TMEM165: variants seen among roughly 807,000 people sequenced by gnomAD.
The protein encoded by TMEM165 is transmembrane protein 165.
A neutral mutation model predicts 30.0 loss-of-function variants in TMEM165; 19 were observed. That is an observed-to-expected ratio of 0.63 (90% CI 0.44 to 0.93). The LOEUF is 0.93. Ranked by LOEUF, TMEM165 falls within the 40% of genes least tolerant of loss-of-function variation. The pLI is 0.00. For missense variants in TMEM165, 340 were observed against 417.0 expected (o/e 0.82, Z 1.61); for synonymous variants, 168 against 162.9 (o/e 1.03, Z -0.24).
At chr4:55,422,188 TC>T (rs377199573) in intron 4 of TMEM165, among the ~76,000 whole-genome samples, 58 of 152,220 alleles carry the variant, frequency 3.8e-4, no homozygotes, top group African/African-American at 1.4e-3. Context: ...TCTCTGTCCT[TC>T]CTTGAATGCT....
intron 3 of TMEM165, chr4:55,450,060 AG>A (rs1724281761): frequency 1.2e-6 from 2 of 1,613,636 alleles, no homozygotes; most frequent in Admixed American, 1.7e-5. Context: ...GTTACTTTAA[AG>A]GAAGTCTGCT....
At chr4:55,439,701 G>A (rs1040626071) in intron 3 of TMEM165, among the ~76,000 whole-genome samples, 1 of 152,146 alleles carries the variant, frequency 6.6e-6, no homozygotes, top group Non-Finnish European at 1.5e-5. Flanking sequence ...TCTGACAATT[G>A]CTGTAACATG....
intron 3 of TMEM165, chr4:55,448,697 C>T: frequency 8.7e-7 from 1 of 1,146,258 alleles, no homozygotes; most frequent in South Asian, 1.3e-5. Flanking sequence ...GCCAGCAAGC[C>T]TGGATTTTTA....
At chr4:55,425,245 CTAATT>C in intron 5 of TMEM165, 126 bp from the exon 6 acceptor site, 1 of 681,888 alleles carries the variant, frequency 1.5e-6, no homozygotes, top group Non-Finnish European at 2.5e-6. Flanking sequence ...TGAAGTGATT[CTAATT>C]TGTTTTCAAG....
Position 55,417,924 on chromosome 4 carries a change from C to T in TMEM165, c.731C>T (p.Thr244Ile), listed in dbSNP as rs371595670. The T allele has an allele frequency of 6.9e-5, 111 of 1,613,906 alleles. No homozygotes were observed. Among genetic ancestry groups the T allele is most frequent in the Non-Finnish European group, 9.1e-5 (107 of 1,179,990 alleles). Reference protein sequence around the residue: ...SPIFVQALTLTFLAEWGDRSQ... With the variant: ...SPIFVQALTLIFLAEWGDRSQ... ...ATTTTTGTTCAAGCTCTTACATTAACATTCTTAGCAGAATGGGGTGATCGC... is the reference window on the plus strand; with the variant it reads ...ATTTTTGTTCAAGCTCTTACATTAATATTCTTAGCAGAATGGGGTGATCGC... Residue 244 changes from threonine to isoleucine, a missense_variant, in exon 4 of 6, where the codon ACA becomes ATA. Coordinates refer to ENST00000381334, the MANE Select transcript of TMEM165 (RefSeq NM_018475.5).
intron 1 of TMEM165, among the ~76,000 whole-genome samples, chr4:55,402,399 GTGTGTATATATATA>G (rs1479936526): frequency 0.022 from 749 of 34,224 alleles, 40 homozygotes; most frequent in African/African-American, 0.083. Flanking sequence ...GTGTGTGTGT[GTGTGTATATATATA>G]TATATATATA....
Position 55,398,161 on chromosome 4 carries a change from C to T in TMEM165, c.207+1765C>T, listed in dbSNP as rs144842770. On this transcript the variant is annotated intron_variant, in intron 1 of 5. Coordinates refer to ENST00000381334, the MANE Select transcript of TMEM165 (RefSeq NM_018475.5). ...TGATCTTGGTTTCACTAAGCAAGAA[C>T]ATTTGTAAGAATCAGTGCTGTCCCA... Among the ~76,000 whole-genome samples the T allele has an allele frequency of 6.4e-3, 980 of 152,342 alleles. 17 individuals carry two copies. Among genetic ancestry groups the T allele is most frequent in the African/African-American group, 0.022 (910 of 41,570 alleles).
intron 3 of TMEM165, chr4:55,448,805 A>G (rs768705084): frequency 6.2e-7 from 1 of 1,614,030 alleles, no homozygotes. Context: ...GGAATTGGTA[A>G]ATTTGTAGCT....
At chr4:55,415,845 A>C (rs1035011683) in intron 2 of TMEM165, 1 of 150,358 alleles carries the variant, frequency 6.7e-6, no homozygotes, top group Non-Finnish European at 1.5e-5. Context: ...GAGTAATTGT[A>C]TTTTTCTTTC....
chr4:55,436,576 A>G (rs11937487), intron 3 of TMEM165, among the ~76,000 whole-genome samples: 51,377 of 152,090 alleles, frequency 0.34, 9,378 homozygotes, highest in East Asian at 0.58. Flanking sequence ...GTGGTGGGCA[A>G]TTTTTGCAAA....
intron 3 of TMEM165, 34 bp from the exon 4 acceptor site, chr4:55,417,769 G>GTTTTTGATT: frequency 3.3e-6 from 5 of 1,515,594 alleles, no homozygotes; most frequent in Non-Finnish European, 4.5e-6. Flanking sequence ...TTTGCTTCCT[G>GTTTTTGATT]TGCTTACTTT....
chr4:55,399,554 T>G (rs1352457743), intron 1 of TMEM165, among the ~76,000 whole-genome samples: 1 of 152,186 alleles, frequency 6.6e-6, no homozygotes, highest in Non-Finnish European at 1.5e-5. Context: ...GGTATTTTGT[T>G]GAAGTTTTAG....
chr4:55,437,699 C>T (rs1722993340), intron 3 of TMEM165, among the ~76,000 whole-genome samples: 1 of 152,128 alleles, frequency 6.6e-6, no homozygotes, highest in African/African-American at 2.4e-5. Context: ...GAGTAAGCAA[C>T]CTGCCAAAGG....
chr4:55,438,145 T>A, intron 3 of TMEM165: 5 of 1,173,612 alleles, frequency 4.3e-6, no homozygotes, highest in Non-Finnish European at 6.0e-6. Context: ...ACAAGCTTTC[T>A]ATCTTTGTAG....
rs1451679364 is a variant in TMEM165 at position 55,400,388 on chromosome 4, AAATAATAT to A, written c.207+3993_207+4000del. Among the ~76,000 whole-genome samples the A allele has an allele frequency of 2.6e-4, 31 of 119,464 alleles. No homozygotes were observed. The East Asian group carries it at 5.6e-3, about 22-fold the overall frequency. 78.4% of individuals were successfully genotyped at this position (119,464 alleles called of 152,430 possible). ...TTAATTATATTAATATAATAATAAT[AAATAATAT>A]TAATATAATTAATATATTTATATTA... On this transcript the variant is annotated intron_variant, in intron 1 of 5. Coordinates refer to ENST00000381334, the MANE Select transcript of TMEM165 (RefSeq NM_018475.5).
At chr4:55,419,246 C>T (rs1287905745) in intron 4 of TMEM165, among the ~76,000 whole-genome samples, 1 of 152,180 alleles carries the variant, frequency 6.6e-6, no homozygotes, top group African/African-American at 2.4e-5. Context: ...CTCAGCCTCG[C>T]AAATAATCCT....
At chr4:55,438,386 C>T (rs1311177158) in intron 3 of TMEM165, 27 of 1,613,878 alleles carry the variant, frequency 1.7e-5, no homozygotes, top group Non-Finnish European at 2.0e-5. Flanking sequence ...TGCTGCGTTA[C>T]TGACAATGTC....
At position 55,448,903 on chromosome 4, in the gene TMEM165, C is replaced by T; in HGVS notation, c.409-3336C>T. The T allele has an allele frequency of 2.7e-6, 4 of 1,476,834 alleles. 1 individual carries two copies. The South Asian group carries it at 4.5e-5, about 17-fold the overall frequency. 91.5% of individuals were successfully genotyped at this position (1,476,834 alleles called of 1,614,324 possible). On this transcript the variant is annotated intron_variant, in intron 3 of 3. Coordinates refer to the TMEM165 transcript ENST00000608091. ...AATAAAAAATAACACTGAAGTGATT[C>T]TCATTCCCATACATGAGTACTTCCA...
chr4:55,440,462 C>T (rs1723272857), intron 3 of TMEM165, among the ~76,000 whole-genome samples: 1 of 152,130 alleles, frequency 6.6e-6, no homozygotes, highest in African/African-American at 2.4e-5. Flanking sequence ...TGAGATATGA[C>T]ACTAACATAG....
Sources: allele counts gnomAD v4.1 joint callset (sites outside exome capture counted in the v4.1 genomes callset), GRCh38; gene constraint gnomAD v4.1.1; transcripts MANE v1.5; gene names NCBI Gene and HGNC (gene_info 2026-07-23, HGNC 2026-07-21).